The following PSMB2 variants were observed in gnomAD, a reference collection of about 807,000 sequenced individuals.
PSMB2 encodes proteasome subunit beta type-2.
A neutral mutation model predicts 25.7 loss-of-function variants in PSMB2; 13 were observed. The ratio of observed to expected loss-of-function variants is 0.51; its 90% CI spans 0.33 to 0.80. The LOEUF is 0.80. Among genes scored for constraint, PSMB2 ranks in the 30% least tolerant of loss-of-function variants. The probability of loss-of-function intolerance (pLI) is 0.02; values close to 1 mark genes in which losing one functional copy is unlikely to be tolerated. For missense variants in PSMB2, 202 were observed against 259.0 expected, an observed-to-expected ratio of 0.78 and a Z score of 1.51; for synonymous variants, 87 against 96.2, an observed-to-expected ratio of 0.90 and a Z score of 0.56.
At chr1:35,623,351 G>T (rs1307831358) in intron 3 of PSMB2, among the ~76,000 whole-genome samples, 1 of 152,208 alleles carries the variant, frequency 6.6e-6, no homozygotes, top group Non-Finnish European at 1.5e-5. Context: ...ACAATCCACA[G>T]TTAGCTCACT....
rs904347447 is a variant in PSMB2, at chr1:35,601,466, A to T, written c.*1801T>A. The T allele has an allele frequency of 1.0e-5, 10 of 985,390 alleles. No individual in the cohort carries two copies. In the African/African-American group the frequency reaches 1.7e-4, roughly 17 times the overall value. The allele number at this position is 985,390 out of a possible 1,614,324, so 61.0% of individuals were successfully genotyped here. On this transcript the variant is annotated 3_prime_UTR_variant, in exon 6 of 6. Coordinates refer to ENST00000373237, the MANE Select transcript of PSMB2 (RefSeq NM_002794.5). ...TATTCATGGTGGTGTTGGAGGTTGAATCAACTGTAGTGACGTGAATCATCT... is the reference window on the plus strand; with the variant it reads ...TATTCATGGTGGTGTTGGAGGTTGATTCAACTGTAGTGACGTGAATCATCT...
At chr1:35,621,332 T>TTCTCCA (rs1650675522) in intron 3 of PSMB2, among the ~76,000 whole-genome samples, 1 of 152,192 alleles carries the variant, frequency 6.6e-6, no homozygotes, top group African/African-American at 2.4e-5. Context: ...ACTCCTCCAT[T>TTCTCCA]TCTCCATCTG....
intron 3 of PSMB2, among the ~76,000 whole-genome samples, chr1:35,618,742 G>A (rs1014561856): frequency 3.9e-5 from 6 of 152,122 alleles, no homozygotes; most frequent in Non-Finnish European, 8.8e-5. Flanking sequence ...GAGAAGGTAT[G>A]GAATTGGAAG....
intron 3 of PSMB2, among the ~76,000 whole-genome samples, chr1:35,626,393 A>G (rs746347636): frequency 6.6e-6 from 1 of 152,222 alleles, no homozygotes; most frequent in African/African-American, 2.4e-5. Flanking sequence ...CCAGTGTATA[A>G]ATGCATAATT....
chr1:35,600,293 G>A lies in PSMB2; in HGVS notation c.*2974C>T. 6.2e-6 allele frequency: 6 copies of A among 970,220 alleles called. No individual in the cohort carries two copies. The highest frequency in any genetic ancestry group is 7.4e-6 in the Non-Finnish European group (6 of 816,156). 60.1% of individuals were successfully genotyped at this position (970,220 alleles called of 1,614,324 possible). On this transcript the variant is annotated 3_prime_UTR_variant, in exon 6 of 6. Coordinates refer to ENST00000373237, the MANE Select transcript of PSMB2 (RefSeq NM_002794.5). ...ATGTTGTATCTTGGATTATATCCTA[G>A]AACAGAAGAAAATTAGTGGAAAAAC...
chr1:35,605,937 C>T (rs753258423), intron 4 of PSMB2, among the ~76,000 whole-genome samples: 2 of 152,190 alleles, frequency 1.3e-5, no homozygotes, highest in Non-Finnish European at 2.9e-5. Context: ...TAATTCTTTT[C>T]AGGATGTGGC....
chr1:35,631,208 T>C (rs1651084404), intron 3 of PSMB2, 66 bp downstream of exon 3: 2 of 1,526,046 alleles, frequency 1.3e-6, no homozygotes, highest in African/African-American at 2.7e-5. Context: ...TCATGTATAA[T>C]GAGAATATAA....
intron 3 of PSMB2, 77 bp downstream of exon 3, chr1:35,631,197 C>T (rs1651084117): frequency 2.7e-6 from 4 of 1,475,240 alleles, no homozygotes; most frequent in Non-Finnish European, 3.8e-6. Context: ...AAAAATACTA[C>T]TCATGTATAA....
intron 3 of PSMB2, 24 bp from the exon 4 acceptor site, chr1:35,609,432 G>A (rs1571123007): frequency 2.0e-6 from 3 of 1,471,536 alleles, no homozygotes; most frequent in Non-Finnish European, 1.8e-6. Context: ...ATATGGCAAA[G>A]TGATAACTAA....
intron 3 of PSMB2, among the ~76,000 whole-genome samples, chr1:35,625,589 C>T (rs1001760466): frequency 9.2e-5 from 14 of 151,726 alleles, no homozygotes; most frequent in African/African-American, 3.4e-4. Flanking sequence ...GGTGAAACCC[C>T]GTCTCTACTA....
rs569557550 is a variant in PSMB2, at chr1:35,599,951, G to A, written c.*3316C>T. On this transcript the variant is annotated 3_prime_UTR_variant, in exon 6 of 6. Coordinates refer to ENST00000373237, the MANE Select transcript of PSMB2 (RefSeq NM_002794.5). ...AGTTCGAGACCAGCCTAGGCAACATGGCGAGACCCTGTCTCTACAAAAAAT... is the reference window on the plus strand; with the variant it reads ...AGTTCGAGACCAGCCTAGGCAACATAGCGAGACCCTGTCTCTACAAAAAAT... 7.7e-4 allele frequency: 576 copies of A among 749,372 alleles called. 4 individuals carry two copies. In the African/African-American group the frequency reaches 0.01, roughly 13 times the overall value. 46.4% of individuals were successfully genotyped at this position (749,372 alleles called of 1,614,324 possible). A position where few individuals can be genotyped will look rare whatever the true frequency, so the allele number is the denominator to read the frequency against.
At chr1:35,636,508 G>A in intron 1 of PSMB2, 76 bp from the exon 2 acceptor site, 1 of 1,498,016 alleles carries the variant, frequency 6.7e-7, no homozygotes. Context: ...ACCATAAACA[G>A]GTTTATTAAT....
intron 3 of PSMB2, among the ~76,000 whole-genome samples, chr1:35,622,724 C>A (rs1650725440): frequency 6.6e-6 from 1 of 151,260 alleles, no homozygotes; most frequent in Admixed American, 6.6e-5. Context: ...CACATACAAC[C>A]CCCTGGAGAG....
intron 3 of PSMB2, among the ~76,000 whole-genome samples, chr1:35,611,510 T>C (rs1224579718): frequency 2.0e-5 from 3 of 152,018 alleles, no homozygotes; most frequent in Non-Finnish European, 4.4e-5. Context: ...GCCCTGCTGA[T>C]TTATTATTAT....
intron 3 of PSMB2, among the ~76,000 whole-genome samples, chr1:35,627,353 C>T (rs1047542562): frequency 2.6e-5 from 4 of 151,228 alleles, no homozygotes; most frequent in Admixed American, 6.6e-5. Context: ...AAACAGCAAT[C>T]GCAGCATAAA....
At chr1:35,629,720 GAATC>G (rs1332789994) in intron 3 of PSMB2, among the ~76,000 whole-genome samples, 1 of 151,416 alleles carries the variant, frequency 6.6e-6, no homozygotes, top group East Asian at 1.9e-4. Flanking sequence ...TGAGGTGGGA[GAATC>G]ACCTGAACCC....
chr1:35,605,782 G>A (rs561548090), intron 4 of PSMB2, among the ~76,000 whole-genome samples: 1 of 152,310 alleles, frequency 6.6e-6, no homozygotes, highest in East Asian at 1.9e-4. Flanking sequence ...CCAAATAGGA[G>A]CCAAAGGAAC....
intron 3 of PSMB2, among the ~76,000 whole-genome samples, chr1:35,618,163 G>C (rs1650562257): frequency 6.6e-6 from 1 of 152,178 alleles, no homozygotes; most frequent in Admixed American, 6.5e-5. Context: ...AGGGGGCGGA[G>C]AGAGAGGTAT....
At chr1:35,604,554 C>T (rs61776881) in intron 5 of PSMB2, among the ~76,000 whole-genome samples, 3 of 152,020 alleles carry the variant, frequency 2.0e-5, no homozygotes, top group Non-Finnish European at 2.9e-5. Context: ...CCGAGGCAGG[C>T]GGATCACCTG....
Sources: gnomAD v4.1 joint callset for allele counts (sites outside exome capture counted in the v4.1 genomes callset) on GRCh38, gnomAD v4.1.1 for gene constraint, MANE v1.5 for transcripts, NCBI Gene and HGNC (gene_info 2026-07-23, HGNC 2026-07-21) for gene names.